The following ESR2 variants were observed in gnomAD, a reference collection of about 807,000 sequenced individuals.
ESR2 encodes estrogen receptor 2.
A neutral mutation model predicts 49.6 loss-of-function variants in ESR2; 36 were observed. That is an observed-to-expected ratio of 0.73 (90% CI 0.56 to 0.96). ESR2 has a LOEUF of 0.96. Ranked by LOEUF, ESR2 falls within the 40% of genes least tolerant of loss-of-function variation. The pLI is 0.00. For synonymous variants in ESR2, 320 were observed against 266.1 expected (o/e 1.20, Z -1.97); for missense variants, 714 against 693.0 (o/e 1.03, Z -0.34).
chr14:64,258,114 TG>T (rs2076140814), intron 5 of ESR2, among the ~76,000 whole-genome samples: 1 of 151,900 alleles, frequency 6.6e-6, no homozygotes, highest in Admixed American at 6.6e-5. Context: ...GAGGCTGAAG[TG>T]GGATGATCGC....
chr14:64,232,956 T>C lies in ESR2; in HGVS notation c.*181A>G. 2 of 1,312,112 alleles carry C rather than the reference T, an allele frequency of 1.5e-6. No homozygotes were observed. Among genetic ancestry groups the C allele is most frequent in the Middle Eastern group, 2.8e-4 (1 of 3,576 alleles). 81.3% of individuals were successfully genotyped at this position (1,312,112 alleles called of 1,614,324 possible). A position where few individuals can be genotyped will look rare whatever the true frequency, so the allele number is the denominator to read the frequency against. On this transcript the variant is annotated 3_prime_UTR_variant, in exon 9 of 9. Transcript: ENST00000341099. Reference sequence around the variant, plus strand: ...TGCCCTCTGCTAACAAGGGAAACTATGGCTTCCTCACACCGACTCCTGAGA... The same window carrying C: ...TGCCCTCTGCTAACAAGGGAAACTACGGCTTCCTCACACCGACTCCTGAGA...
chr14:64,315,326 C>T (rs1314605951), intron 1 of ESR2, among the ~76,000 whole-genome samples: 2 of 149,144 alleles, frequency 1.3e-5, no homozygotes, highest in Non-Finnish European at 3.0e-5. Context: ...TTACTACAGA[C>T]TATACAGATG....
At chr14:64,241,250 G>A (rs545930970) in intron 7 of ESR2, among the ~76,000 whole-genome samples, 1 of 150,744 alleles carries the variant, frequency 6.6e-6, no homozygotes, top group South Asian at 2.1e-4. Flanking sequence ...TTCAACTTAA[G>A]ATGGGTTTTT....
At chr14:64,253,222 GCT>G (rs2076024853) in intron 6 of ESR2, among the ~76,000 whole-genome samples, 1 of 151,370 alleles carries the variant, frequency 6.6e-6, no homozygotes, top group Non-Finnish European at 1.5e-5. Flanking sequence ...ATGGAGTCTT[GCT>G]CTGTCGCCCC....
intron 1 of ESR2, among the ~76,000 whole-genome samples, chr14:64,293,266 C>T (rs17226046): frequency 0.016 from 2,487 of 152,182 alleles, 70 homozygotes; most frequent in East Asian, 0.086. Context: ...CACCGAGTTA[C>T]GAAACTTAGA....
At chr14:64,243,915 C>G (rs938811126) in intron 7 of ESR2, among the ~76,000 whole-genome samples, 1 of 152,176 alleles carries the variant, frequency 6.6e-6, no homozygotes, top group Non-Finnish European at 1.5e-5. Context: ...CTTTCCCACT[C>G]AGTACTCTCC....
intron 2 of ESR2, 78 bp downstream of exon 2, chr14:64,282,543 ATAT>A (rs2076695976): frequency 2.1e-6 from 3 of 1,398,552 alleles, no homozygotes; most frequent in Non-Finnish European, 2.9e-6. Context: ...CTTGTCTAAC[ATAT>A]TATTTCCTTC....
chr14:64,240,260 C>G (rs1003595036), intron 7 of ESR2, among the ~76,000 whole-genome samples: 2 of 151,442 alleles, frequency 1.3e-5, no homozygotes, highest in African/African-American at 4.9e-5. Flanking sequence ...AGGAGACCAT[C>G]GTCAGACAGC....
intron 7 of ESR2, among the ~76,000 whole-genome samples, chr14:64,239,556 C>G (rs779357255): frequency 3.9e-5 from 6 of 152,116 alleles, no homozygotes; most frequent in Non-Finnish European, 7.4e-5. Context: ...ACTCTAATTC[C>G]TAAATTCCAT....
intron 5 of ESR2, among the ~76,000 whole-genome samples, chr14:64,258,149 TA>T (rs1280558248): frequency 6.6e-6 from 1 of 151,950 alleles, no homozygotes; most frequent in Non-Finnish European, 1.5e-5. Context: ...GTCGAGGCTG[TA>T]GTGAGCTGAG....
chr14:64,241,039 G>C (rs949625361), intron 7 of ESR2, among the ~76,000 whole-genome samples: 2 of 151,364 alleles, frequency 1.3e-5, no homozygotes. Flanking sequence ...CCAGCTACTG[G>C]GGAGGCTGAG....
chr14:64,227,743 C>T, downstream of ESR2: 2 of 1,552,994 alleles, frequency 1.3e-6, no homozygotes, highest in South Asian at 2.5e-5. Context: ...CTGGTTTGCT[C>T]CCCATCTCCA....
intron 7 of ESR2, among the ~76,000 whole-genome samples, chr14:64,239,218 G>A (rs572185071): frequency 7.5e-4 from 114 of 152,264 alleles, no homozygotes; most frequent in African/African-American, 2.6e-3. Flanking sequence ...GAGGCTGCAG[G>A]CTGCTGTTCA....
At chr14:64,306,506 G>A (rs1365550396) in intron 1 of ESR2, among the ~76,000 whole-genome samples, 2 of 152,180 alleles carry the variant, frequency 1.3e-5, no homozygotes, top group Non-Finnish European at 2.9e-5. Flanking sequence ...AGGAACGGAT[G>A]TTAGATTTTG....
chr14:64,256,920 A>G (rs1302668277), intron 6 of ESR2, among the ~76,000 whole-genome samples: 1 of 152,182 alleles, frequency 6.6e-6, no homozygotes, highest in African/African-American at 2.4e-5. Context: ...TGGAATTTTT[A>G]ATGGAGAAAA....
In ESR2 at chr14:64,234,964, G is replaced by A. The variant is rs200051071; in HGVS notation, c.1406+6C>T. On this transcript the variant is annotated splice_donor_region_variant and intron_variant, in intron 8 of 8. Coordinates refer to ENST00000341099, the MANE Select transcript of ESR2 (RefSeq NM_001437.3). ...CCCAAGCAGAGCAGCTCCTTAGGGC[G>A]CGTACCTCGCATGCCTGACGTGGGA... 4.0e-5 allele frequency: 65 copies of A among 1,613,648 alleles called. No individual in the cohort carries two copies. The East Asian group carries it at 4.2e-4, about 11-fold the overall frequency.
At chr14:64,261,615 A>T (rs889176564) in intron 4 of ESR2, among the ~76,000 whole-genome samples, 1 of 151,626 alleles carries the variant, frequency 6.6e-6, no homozygotes, top group Non-Finnish European at 1.5e-5. Context: ...ATGTGATTTC[A>T]CCATGTTGGC....
chr14:64,261,232 CTTTTTTCTTTTT>C (rs1262680603), intron 4 of ESR2, among the ~76,000 whole-genome samples: 6 of 88,682 alleles, frequency 6.8e-5, no homozygotes, highest in Non-Finnish European at 1.2e-4. Context: ...TTTTATTTTT[CTTTTTTCTTTTT>C]TTTTTTTTTT....
chr14:64,288,408 G>A (rs188072240), intron 1 of ESR2, among the ~76,000 whole-genome samples: 73 of 150,376 alleles, frequency 4.9e-4, no homozygotes, highest in African/African-American at 1.7e-3. Context: ...GAGTGCAGTG[G>A]TGCAATCTTG....
Sources: gnomAD v4.1 joint callset for allele counts (sites outside exome capture counted in the v4.1 genomes callset) on GRCh38, gnomAD v4.1.1 for gene constraint, MANE v1.5 for transcripts, NCBI Gene and HGNC (gene_info 2026-07-23, HGNC 2026-07-21) for gene names.